OR2M5: variants seen among roughly 807,000 people sequenced by gnomAD.
OR2M5 encodes the protein olfactory receptor family 2 subfamily M member 5, also known as olfactory receptor 2M5.
For synonymous variants in OR2M5, 164 were observed against 139.6 expected (o/e 1.18, Z -1.23); for missense variants, 413 against 389.3 (o/e 1.06, Z -0.51).
rs774335150 is a variant in OR2M5, at chr1:248,145,291, C to T, written c.144C>T (p.Leu48=). The change falls in exon 1 of 1, where the codon CTC becomes CTT. Residue 48 remains leucine (L), a synonymous_variant. Transcript: ENST00000366476. ...AFMGNSVMVL[L]IYLDTQLHTP... The stretch of plus-strand genomic sequence containing the variant: ...TGGGAAACTCTGTCATGGTTCTCCT[C>T]ATCTACCTGGACACCCAGCTCCACA... The T allele has an allele frequency of 1.9e-6, 3 of 1,613,850 alleles. No individual in the cohort carries two copies. In the South Asian group the frequency reaches 3.3e-5, roughly 18 times the overall value.
Position 248,145,987 on chromosome 1 carries a change from C to T in OR2M5, c.840C>T (p.Ile280=), listed in dbSNP as rs757496977. The T allele has an allele frequency of 1.2e-6, 2 of 1,613,934 alleles. No homozygotes were observed. The highest frequency in any genetic ancestry group is 3.3e-5 in the Admixed American group (2 of 59,976). The change falls in exon 1 of 1, where the codon ATC becomes ATT. Residue 280 remains isoleucine, a synonymous_variant. Transcript: ENST00000366476. ...AGCTGGTGTCTGTATTCTACACCAT[C>T]CTCACTCCCATGCTGAATCCCCTCA... ...QDKLVSVFYT[I]LTPMLNPLIY... is the part of the protein sequence containing the mutation.
rs763090627 is a variant in OR2M5, at chr1:248,145,739, G to A, written c.592G>A (p.Val198Ile). The A allele has an allele frequency of 3.7e-6, 6 of 1,613,578 alleles. No homozygotes were observed. In the Admixed American group the frequency reaches 5.0e-5, roughly 13 times the overall value. The change falls in exon 1 of 1, where the codon GTT becomes ATT. Residue 198 changes from valine (V) to isoleucine (I), a missense_variant. Coordinates refer to ENST00000366476, the MANE Select transcript of OR2M5 (RefSeq NM_001004690.1). ...SCNDTSIFEKVLFICCIVMIV... is the reference protein window; with the variant it reads ...SCNDTSIFEKILFICCIVMIV... ...CAATGACACATCAATATTTGAAAAG[G>A]TTCTTTTCATCTGCTGTATAGTAAT... is the stretch of plus-strand genomic sequence containing the variant.
In OR2M5 at chr1:248,145,758, T is replaced by G; in HGVS notation, c.611T>G (p.Ile204Arg). The G allele has an allele frequency of 6.2e-7, 1 of 1,613,742 alleles. No individual in the cohort carries two copies. Among genetic ancestry groups the G allele is most frequent in the Non-Finnish European group, 8.5e-7 (1 of 1,179,804 alleles). ...IFEKVLFICC[I>R]VMIVFPVAII... is the part of the protein sequence containing the mutation. ...GAAAAGGTTCTTTTCATCTGCTGTA[T>G]AGTAATGATTGTTTTTCCTGTTGCA... Residue 204 changes from isoleucine (I) to arginine (R), a missense_variant, in exon 1 of 1, where the codon ATA becomes AGA. Coordinates refer to ENST00000366476, the MANE Select transcript of OR2M5 (RefSeq NM_001004690.1).
chr1:248,146,024 C>T lies in OR2M5; in HGVS notation c.877C>T (p.Arg293Cys), dbSNP rs150445512. ...GCTGAATCCCCTCATCTACAGCCTC[C>T]GCAACAAGGAGGTGACCAGAGCACT... ...PMLNPLIYSL[R>C]NKEVTRALRK... is the part of the protein sequence containing the mutation. Residue 293 changes from arginine (R) to cysteine (C), a missense_variant, in exon 1 of 1, where the codon CGC becomes TGC. Arg to Cys is a radical substitution (Grantham distance 180, BLOSUM62 -3). Coordinates refer to ENST00000366476, the MANE Select transcript of OR2M5 (RefSeq NM_001004690.1). The T allele has an allele frequency of 1.3e-4, 213 of 1,613,730 alleles. No individual in the cohort carries two copies. The East Asian group carries it at 2.0e-3, about 15-fold the overall frequency.
Position 248,145,234 on chromosome 1 carries a change from T to C in OR2M5, c.87T>C (p.Phe29=), listed in dbSNP as rs773014831. 6 of 1,613,884 alleles carry C rather than the reference T, an allele frequency of 3.7e-6. No homozygotes were observed. In the East Asian group the frequency reaches 1.3e-4, roughly 36 times the overall value. Residue 29 remains phenylalanine, a synonymous_variant, in exon 1 of 1, where the codon TTT becomes TTC. Coordinates refer to ENST00000366476, the MANE Select transcript of OR2M5 (RefSeq NM_001004690.1). Reference sequence around the variant, plus strand: ...GCCCCACCCACACCTTCCTCTTCTTTCTGGTCCTGGCCATCTTTTCAGTGG... The same window carrying C: ...GCCCCACCCACACCTTCCTCTTCTTCCTGGTCCTGGCCATCTTTTCAGTGG... The part of the protein sequence containing the change: ...NHSPTHTFLF[F]LVLAIFSVAF...
rs765389641 is a variant in OR2M5 at position 248,145,602 on chromosome 1, G to A, written c.455G>A (p.Gly152Asp). 1 of 1,613,294 alleles carries A rather than the reference G, an allele frequency of 6.2e-7. No homozygotes were observed. The highest frequency in any genetic ancestry group is 8.5e-7 in the Non-Finnish European group (1 of 1,179,438). The change falls in exon 1 of 1, where the codon GGC becomes GAC. Residue 152 changes from glycine (G) to aspartate (D), a missense_variant. Gly to Asp is a moderately conservative substitution (Grantham distance 94, BLOSUM62 -1). Coordinates refer to ENST00000366476, the MANE Select transcript of OR2M5 (RefSeq NM_001004690.1). The part of the protein sequence containing the change: ...GLMTAFSWIL[G>D]SMDAIIDAVA... ...ATGACTGCCTTCTCCTGGATCCTGG[G>A]CTCTATGGATGCAATCATTGATGCT...
At position 248,145,690 on chromosome 1, in the gene OR2M5, C is replaced by G; in HGVS notation, c.543C>G (p.Phe181Leu). The G allele has an allele frequency of 6.2e-7, 1 of 1,613,816 alleles. No homozygotes were observed. Among genetic ancestry groups the G allele is most frequent in the Non-Finnish European group, 8.5e-7 (1 of 1,179,796 alleles). The change falls in exon 1 of 1, where the codon TTC (phenylalanine) becomes TTG (leucine). Residue 181 changes from phenylalanine (F) to leucine (L), a missense_variant. Phe to Leu is a conservative substitution (Grantham distance 22). Transcript: ENST00000366476. ...AAATAGCCCACTTCTTCTGTGACTT[C>G]CCTTCCCTACTAATCCTCTCATGCA... ...SREIAHFFCD[F>L]PSLLILSCND...
chr1:248,145,447 A>C lies in OR2M5; in HGVS notation c.300A>C (p.Gln100His), dbSNP rs764988039. The C allele has an allele frequency of 7.4e-6, 12 of 1,613,828 alleles. No individual in the cohort carries two copies. The African/African-American group carries it at 1.6e-4, about 22-fold the overall frequency. ...TTTCTATGGCTGGTTGTGCCACACA[A>C]ATTTTCTTCTATGTATCACTGCTTG... ...KSISMAGCATQIFFYVSLLGS... is the reference protein window; with the variant it reads ...KSISMAGCATHIFFYVSLLGS... The change falls in exon 1 of 1, where the codon CAA becomes CAC. Residue 100 changes from glutamine (Q) to histidine (H), a missense_variant. Gln to His is a conservative substitution (Grantham distance 24, BLOSUM62 0). Transcript: ENST00000366476.
In OR2M5 at chr1:248,145,929, G is replaced by A. The variant is rs138582176; in HGVS notation, c.782G>A (p.Arg261Gln). 90 of 1,613,746 alleles carry A rather than the reference G, an allele frequency of 5.6e-5. No individual in the cohort carries two copies. The highest frequency in any genetic ancestry group is 1.6e-4 in the Middle Eastern group (1 of 6,078). Reference protein sequence around the residue: ...YYGAGLFMYIRPTSDRSPMQD... With the variant: ...YYGAGLFMYIQPTSDRSPMQD... ...GGAGCAGGTTTGTTCATGTACATAC[G>A]GCCCACATCTGATCGCTCCCCTATG... The change falls in exon 1 of 1, where the codon CGG becomes CAG. Residue 261 changes from arginine (R) to glutamine (Q), a missense_variant. Transcript: ENST00000366476.
chr1:248,145,857 C>G lies in OR2M5; in HGVS notation c.710C>G (p.Ala237Gly). Residue 237 changes from alanine to glycine, a missense_variant, in exon 1 of 1, where the codon GCT becomes GGT. Coordinates refer to ENST00000366476, the MANE Select transcript of OR2M5 (RefSeq NM_001004690.1). ...GGATCTGGAGAGGGTCGTCGCAAAG[C>G]TTTTACTACCTGTTCCTCTCACCTC... ...HMGSGEGRRK[A>G]FTTCSSHLMV... 2 of 1,613,504 alleles carry G rather than the reference C, an allele frequency of 1.2e-6. No individual in the cohort carries two copies. Among genetic ancestry groups the G allele is most frequent in the South Asian group, 2.2e-5 (2 of 91,050 alleles).
In OR2M5 at chr1:248,145,690, C is replaced by A. The variant is rs529569358; in HGVS notation, c.543C>A (p.Phe181Leu). Reference protein sequence around the residue: ...SREIAHFFCDFPSLLILSCND... With the variant: ...SREIAHFFCDLPSLLILSCND... ...AAATAGCCCACTTCTTCTGTGACTTCCCTTCCCTACTAATCCTCTCATGCA... is the reference window on the plus strand; with the variant it reads ...AAATAGCCCACTTCTTCTGTGACTTACCTTCCCTACTAATCCTCTCATGCA... Residue 181 changes from phenylalanine to leucine, a missense_variant, in exon 1 of 1, where the codon TTC becomes TTA. Physicochemically the swap from Phe to Leu is conservative, Grantham distance 22. Transcript: ENST00000366476. 140 of 1,613,814 alleles carry A rather than the reference C, an allele frequency of 8.7e-5. No individual in the cohort carries two copies. In the South Asian group the frequency reaches 1.1e-3, roughly 13 times the overall value.
At position 248,145,611 on chromosome 1, in the gene OR2M5, A is replaced by T; in HGVS notation, c.464A>T (p.Asp155Val). Residue 155 changes from aspartate (D) to valine (V), a missense_variant, in exon 1 of 1, where the codon GAT (aspartate) becomes GTT (valine). Coordinates refer to ENST00000366476, the MANE Select transcript of OR2M5 (RefSeq NM_001004690.1). ...TTCTCCTGGATCCTGGGCTCTATGGATGCAATCATTGATGCTGTAGCGACA... is the reference window on the plus strand; with the variant it reads ...TTCTCCTGGATCCTGGGCTCTATGGTTGCAATCATTGATGCTGTAGCGACA... ...TAFSWILGSM[D>V]AIIDAVATFS... 6.2e-7 allele frequency: 1 copy of T among 1,613,470 alleles called. No individual in the cohort carries two copies. The highest frequency in any genetic ancestry group is 1.1e-5 in the South Asian group (1 of 91,044).
chr1:248,145,770 T>C lies in OR2M5; in HGVS notation c.623T>C (p.Val208Ala), dbSNP rs779738551. ...TTCATCTGCTGTATAGTAATGATTG[T>C]TTTTCCTGTTGCAATCATCATCGCT... ...VLFICCIVMI[V>A]FPVAIIIASY... The change falls in exon 1 of 1, where the codon GTT (valine) becomes GCT (alanine). Residue 208 changes from valine to alanine, a missense_variant. Physicochemically the swap from Val to Ala is moderately conservative, Grantham distance 64. Coordinates refer to ENST00000366476, the MANE Select transcript of OR2M5 (RefSeq NM_001004690.1). 5 of 1,613,640 alleles carry C rather than the reference T, an allele frequency of 3.1e-6. No homozygotes were observed. The highest frequency in any genetic ancestry group is 1.7e-5 in the Admixed American group (1 of 59,998).
Position 248,145,952 on chromosome 1 carries a change from A to G in OR2M5, c.805A>G (p.Met269Val), listed in dbSNP as rs529535107. The G allele has an allele frequency of 3.4e-5, 55 of 1,613,794 alleles. No individual in the cohort carries two copies. In the East Asian group the frequency reaches 1.0e-3, roughly 31 times the overall value. ...YIRPTSDRSPMQDKLVSVFYT... is the reference protein window; with the variant it reads ...YIRPTSDRSPVQDKLVSVFYT... ...ACGGCCCACATCTGATCGCTCCCCTATGCAGGACAAGCTGGTGTCTGTATT... is the reference window on the plus strand; with the variant it reads ...ACGGCCCACATCTGATCGCTCCCCTGTGCAGGACAAGCTGGTGTCTGTATT... Residue 269 changes from methionine to valine, a missense_variant, in exon 1 of 1, where the codon ATG becomes GTG. Met to Val is a conservative substitution (Grantham distance 21). Transcript: ENST00000366476.
rs1665424927 is a variant in OR2M5 at position 248,145,983 on chromosome 1, C to A, written c.836C>A (p.Thr279Asn). 1 of 1,613,838 alleles carries A rather than the reference C, an allele frequency of 6.2e-7. No individual in the cohort carries two copies. ...MQDKLVSVFYTILTPMLNPLI... is the reference protein window; with the variant it reads ...MQDKLVSVFYNILTPMLNPLI... The stretch of plus-strand genomic sequence containing the variant: ...GACAAGCTGGTGTCTGTATTCTACA[C>A]CATCCTCACTCCCATGCTGAATCCC... The change falls in exon 1 of 1, where the codon ACC becomes AAC. Residue 279 changes from threonine (T) to asparagine (N), a missense_variant. By Grantham distance (65) the Thr-to-Asn change is moderately conservative. Coordinates refer to ENST00000366476, the MANE Select transcript of OR2M5 (RefSeq NM_001004690.1).
In OR2M5 at chr1:248,145,812, T is replaced by C. The variant is rs1211092323; in HGVS notation, c.665T>C (p.Ile222Thr). ...ATCATCGCTTCCTATGCTCGAGTTA[T>C]TCTGGCTGTCATTCACATGGGATCT... is the stretch of plus-strand genomic sequence containing the variant. ...AIIIASYARV[I>T]LAVIHMGSGE... The change falls in exon 1 of 1, where the codon ATT becomes ACT. Residue 222 changes from isoleucine (I) to threonine (T), a missense_variant. By Grantham distance (89) the Ile-to-Thr change is moderately conservative. Coordinates refer to ENST00000366476, the MANE Select transcript of OR2M5 (RefSeq NM_001004690.1). The C allele has an allele frequency of 2.5e-6, 4 of 1,613,294 alleles. No individual in the cohort carries two copies. The highest frequency in any genetic ancestry group is 1.8e-4 in the Middle Eastern group (1 of 5,556).
In OR2M5 at chr1:248,145,257, T is replaced by G. The variant is rs541379653; in HGVS notation, c.110T>G (p.Val37Gly). The change falls in exon 1 of 1, where the codon GTG becomes GGG. Residue 37 changes from valine to glycine, a missense_variant. Transcript: ENST00000366476. The part of the protein sequence containing the change: ...LFFLVLAIFS[V>G]AFMGNSVMVL... ...TTTCTGGTCCTGGCCATCTTTTCAG[T>G]GGCCTTCATGGGAAACTCTGTCATG... 9 of 1,614,046 alleles carry G rather than the reference T, an allele frequency of 5.6e-6. No homozygotes were observed. Among genetic ancestry groups the G allele is most frequent in the African/African-American group, 4.0e-5 (3 of 75,008 alleles).
In OR2M5 at chr1:248,145,277, G is replaced by C; in HGVS notation, c.130G>C (p.Val44Leu). ...TTCAGTGGCCTTCATGGGAAACTCTGTCATGGTTCTCCTCATCTACCTGGA... is the reference window on the plus strand; with the variant it reads ...TTCAGTGGCCTTCATGGGAAACTCTCTCATGGTTCTCCTCATCTACCTGGA... ...IFSVAFMGNSVMVLLIYLDTQ... is the reference protein window; with the variant it reads ...IFSVAFMGNSLMVLLIYLDTQ... The change falls in exon 1 of 1, where the codon GTC (valine) becomes CTC (leucine). Residue 44 changes from valine (V) to leucine (L), a missense_variant. Transcript: ENST00000366476. The C allele has an allele frequency of 6.2e-7, 1 of 1,613,848 alleles. No individual in the cohort carries two copies. The highest frequency in any genetic ancestry group is 1.3e-5 in the African/African-American group (1 of 74,962).
Position 248,146,036 on chromosome 1 carries a change from G to T in OR2M5, c.889G>T (p.Val297Leu). The change falls in exon 1 of 1, where the codon GTG becomes TTG. Residue 297 changes from valine (V) to leucine (L), a missense_variant. Coordinates refer to ENST00000366476, the MANE Select transcript of OR2M5 (RefSeq NM_001004690.1). ...CATCTACAGCCTCCGCAACAAGGAG[G>T]TGACCAGAGCACTCAGGAAAGTGTT... ...PLIYSLRNKEVTRALRKVLGK... is the reference protein window; with the variant it reads ...PLIYSLRNKELTRALRKVLGK... 1 of 1,613,740 alleles carries T rather than the reference G, an allele frequency of 6.2e-7. No individual in the cohort carries two copies. The highest frequency in any genetic ancestry group is 8.5e-7 in the Non-Finnish European group (1 of 1,179,860).
Sources: allele counts gnomAD v4.1 joint callset, GRCh38; gene constraint gnomAD v4.1.1; transcripts MANE v1.5; gene names NCBI Gene and HGNC (gene_info 2026-07-23, HGNC 2026-07-21).